The following SPNS2 variants were observed in gnomAD, a reference collection of about 807,000 sequenced individuals.
The protein encoded by SPNS2 is sphingosine-1-phosphate transporter SPNS2.
Under a neutral mutation model 57.6 loss-of-function variants are expected in SPNS2, and 37 were observed. The observed-to-expected ratio is 0.64, with a 90% confidence interval of 0.49 to 0.85. The LOEUF (loss-of-function observed/expected upper bound fraction) is 0.85. Ranked by LOEUF, SPNS2 falls within the 40% of genes least tolerant of loss-of-function variation. The pLI is 0.00. For missense variants in SPNS2, 831 were observed against 779.1 expected, an observed-to-expected ratio of 1.07 and a Z score of -0.79; for synonymous variants, 440 against 346.9, an observed-to-expected ratio of 1.27 and a Z score of -2.98.
intron 6 of SPNS2, 62 bp from the exon 7 acceptor site, chr17:4,532,915 G>T: frequency 6.4e-7 from 1 of 1,562,072 alleles, no homozygotes. Context: ...CCAGTGCATG[G>T]GGCTGCCTAG....
At position 4,499,839 on chromosome 17, in the gene SPNS2, G is replaced by A. The variant is rs572047902; in HGVS notation, c.370+422G>A. ...CAGGTCGTCTGTCCGTCCATGGCCC[G>A]TCAGTTCCTTCCTTTCTCCGCCGCC... On this transcript the variant is annotated intron_variant, in intron 1 of 12. Coordinates refer to ENST00000329078, the MANE Select transcript of SPNS2 (RefSeq NM_001124758.3). This position sits in a 1 kb window ranked among gnomAD's most constrained non-coding sequence, Gnocchi z 5.2. Among the ~76,000 whole-genome samples, 14 of 152,238 alleles carry A rather than the reference G, an allele frequency of 9.2e-5. No individual in the cohort carries two copies. Among genetic ancestry groups the A allele is most frequent in the African/African-American group, 3.4e-4 (14 of 41,560 alleles).
intron 1 of SPNS2, among the ~76,000 whole-genome samples, chr17:4,503,982 CTTT>C (rs35585489): frequency 7.3e-6 from 1 of 137,792 alleles, no homozygotes. Context: ...CTCCTATTGG[CTTT>C]TTTTTTTTTT....
At position 4,536,091 on chromosome 17, in the gene SPNS2, A is replaced by G; in HGVS notation, c.1360A>G (p.Thr454Ala). The change falls in exon 10 of 13, where the codon ACG becomes GCG. Residue 454 changes from threonine (T) to alanine (A), a missense_variant. Physicochemically the swap from Thr to Ala is moderately conservative, Grantham distance 58. Transcript: ENST00000329078. ...ADILMYVVIP[T>A]RRATAVALQS... ...TGTTCCGCAGTACGTGGTCATCCCC[A>G]CGCGGCGCGCCACTGCCGTGGCCTT... 6.2e-7 allele frequency: 1 copy of G among 1,611,932 alleles called. No homozygotes were observed. The highest frequency in any genetic ancestry group is 1.1e-5 in the South Asian group (1 of 91,044).
Position 4,538,558 on chromosome 17 carries a change from T to C in SPNS2, c.*1110T>C. 2.9e-6 allele frequency: 1 copy of C among 348,732 alleles called. No homozygotes were observed. The highest frequency in any genetic ancestry group is 2.7e-5 in the South Asian group (1 of 36,716). The allele number at this position is 348,732 out of a possible 1,614,324, so 21.6% of individuals were successfully genotyped here. ...AACTTCACACCAGCCCCAACCCGCT[T>C]TGGGGGAGCTTAGCCCCCTGCGTCA... On this transcript the variant is annotated 3_prime_UTR_variant, in exon 13 of 13. Coordinates refer to ENST00000329078, the MANE Select transcript of SPNS2 (RefSeq NM_001124758.3).
chr17:4,516,702 C>T lies in SPNS2; in HGVS notation c.436+3390C>T, dbSNP rs111325086. On this transcript the variant is annotated intron_variant, in intron 2 of 12. Transcript: ENST00000329078. Reference sequence around the variant, plus strand: ...GTGAGATCGAGTAGATGTGTGAAGCCCTCCTTTCCCCTCCAAGCTAGATAA... The same window carrying T: ...GTGAGATCGAGTAGATGTGTGAAGCTCTCCTTTCCCCTCCAAGCTAGATAA... Among the ~76,000 whole-genome samples the T allele has an allele frequency of 2.9e-3, 447 of 152,204 alleles. 4 individuals carry two copies. The highest frequency in any genetic ancestry group is 0.011 in the African/African-American group (437 of 41,524).
chr17:4,528,499 T>G (rs1186615682), intron 3 of SPNS2, among the ~76,000 whole-genome samples: 3 of 151,536 alleles, frequency 2.0e-5, no homozygotes, highest in African/African-American at 7.3e-5. Context: ...GTTTCGCTCT[T>G]TCACCCAGGC....
chr17:4,532,911 C>T (rs1318215939), intron 6 of SPNS2, 66 bp from the exon 7 acceptor site: 1 of 1,555,132 alleles, frequency 6.4e-7, no homozygotes, highest in South Asian at 1.2e-5. Context: ...TCCCCCAGTG[C>T]ATGGGGCTGC....
intron 1 of SPNS2, among the ~76,000 whole-genome samples, chr17:4,507,379 T>C (rs1904711258): frequency 6.6e-6 from 1 of 152,256 alleles, no homozygotes; most frequent in Admixed American, 6.5e-5. Flanking sequence ...TGTTCTCAGG[T>C]CATAGCTGGG....
chr17:4,501,304 C>T (rs1442413871), intron 1 of SPNS2, among the ~76,000 whole-genome samples: 1 of 151,654 alleles, frequency 6.6e-6, no homozygotes, highest in African/African-American at 2.4e-5. Context: ...GGGGAACTGC[C>T]TCTGCCAGGG....
Position 4,510,023 on chromosome 17 carries a change from G to A in SPNS2, c.371-3224G>A, listed in dbSNP as rs1904787500. Among the ~76,000 whole-genome samples, 1 of 152,266 alleles carries A rather than the reference G, an allele frequency of 6.6e-6. No individual in the cohort carries two copies. Among genetic ancestry groups the A allele is most frequent in the Admixed American group, 6.5e-5 (1 of 15,292 alleles). On this transcript the variant is annotated intron_variant, in intron 1 of 12. Transcript: ENST00000329078. The surrounding 1 kb of genome is among the most constrained non-coding windows in gnomAD (Gnocchi z 4.4). ...TGGTGAAGAAGGGAGGGGTGCGTGGGCCTGAGCCGTGCTGGAGCCCAAAGG... is the reference window on the plus strand; with the variant it reads ...TGGTGAAGAAGGGAGGGGTGCGTGGACCTGAGCCGTGCTGGAGCCCAAAGG...
Position 4,498,981 on chromosome 17 carries a change from C to A in SPNS2, c.-67C>A. The A allele has an allele frequency of 3.1e-6, 3 of 955,260 alleles. No individual in the cohort carries two copies. The highest frequency in any genetic ancestry group is 2.5e-6 in the Non-Finnish European group (2 of 802,796). 59.2% of individuals were successfully genotyped at this position (955,260 alleles called of 1,614,324 possible). On this transcript the variant is annotated 5_prime_UTR_variant, in exon 1 of 13. Coordinates refer to ENST00000329078, the MANE Select transcript of SPNS2 (RefSeq NM_001124758.3). The stretch of plus-strand genomic sequence containing the variant: ...CAGTGGCGGCTCCGCGGCGCACGCA[C>A]GCGCTGAGCGGGCCCAGCCTGGGCC...
rs1166778948 is a variant in SPNS2, at chr17:4,530,643, G to A, written c.585G>A (p.Leu195=). The part of the protein sequence containing the change: ...SSFIPQQYFW[L]LVLSRGLVGI... ...ACCCCTCCTCACAGTACTTCTGGCT[G>A]CTGGTCCTGTCCCGGGGGCTGGTGG... Residue 195 remains leucine, a synonymous_variant, in exon 4 of 13, where the codon CTG becomes CTA. Transcript: ENST00000329078. 4 of 1,612,464 alleles carry A rather than the reference G, an allele frequency of 2.5e-6. No individual in the cohort carries two copies. The highest frequency in any genetic ancestry group is 3.4e-6 in the Non-Finnish European group (4 of 1,179,490).
chr17:4,499,313 C>G lies in SPNS2; in HGVS notation c.266C>G (p.Ala89Gly), dbSNP rs1046046379. The G allele has an allele frequency of 4.0e-6, 6 of 1,496,030 alleles. No individual in the cohort carries two copies. The highest frequency in any genetic ancestry group is 2.9e-5 in the African/African-American group (2 of 69,072). The allele number at this position is 1,496,030 out of a possible 1,614,324, so 92.7% of individuals were successfully genotyped here. A position where few individuals can be genotyped will look rare whatever the true frequency, so the allele number is the denominator to read the frequency against. The change falls in exon 1 of 13, where the codon GCT becomes GGT. Residue 89 changes from alanine (A) to glycine (G), a missense_variant. Coordinates refer to ENST00000329078, the MANE Select transcript of SPNS2 (RefSeq NM_001124758.3). The surrounding 1 kb of genome is among the most constrained non-coding windows in gnomAD (Gnocchi z 5.2). ...GCAATAKGPGAQQPKPASLGR... is the reference protein window; with the variant it reads ...GCAATAKGPGGQQPKPASLGR... ...GCAGCTACTGCAAAGGGCCCCGGCG[C>G]TCAGCAGCCCAAACCGGCCAGCTTG...
At chr17:4,535,189 G>T (rs1038756121) in intron 9 of SPNS2, among the ~76,000 whole-genome samples, 1 of 152,102 alleles carries the variant, frequency 6.6e-6, no homozygotes, top group African/African-American at 2.4e-5. Context: ...CCTCCTGTCT[G>T]ACTCTGGCCT....
chr17:4,520,526 G>A (rs866482213), intron 2 of SPNS2, among the ~76,000 whole-genome samples: 5 of 151,998 alleles, frequency 3.3e-5, no homozygotes, highest in African/African-American at 9.7e-5. Flanking sequence ...GTTCTCTGCC[G>A]CCTTCTAAAC....
intron 1 of SPNS2, among the ~76,000 whole-genome samples, chr17:4,500,516 T>G (rs897015438): frequency 6.6e-6 from 1 of 152,126 alleles, no homozygotes; most frequent in Non-Finnish European, 1.5e-5. Flanking sequence ...AGAGCAGTAC[T>G]GTGTGCCTGG....
At position 4,532,554 on chromosome 17, in the gene SPNS2, C is replaced by G; in HGVS notation, c.805C>G (p.Leu269Val). Residue 269 changes from leucine to valine, a missense_variant, in exon 6 of 13, where the codon CTG (leucine) becomes GTG (valine). This residue lies in a region of SPNS2 where 526 missense variants were observed against 400.9 expected (regional missense o/e 1.31). Coordinates refer to ENST00000329078, the MANE Select transcript of SPNS2 (RefSeq NM_001124758.3). ...TGCTCTCTGGCAGGTGTCCCCTGTC[C>G]TGGGCATGATCACAGGAACACTCAT... The part of the protein sequence containing the change: ...WHWALRVSPV[L>V]GMITGTLILI... The G allele has an allele frequency of 6.2e-7, 1 of 1,614,188 alleles. No individual in the cohort carries two copies. Among genetic ancestry groups the G allele is most frequent in the Non-Finnish European group, 8.5e-7 (1 of 1,180,048 alleles).
Position 4,510,871 on chromosome 17 carries a change from C to G in SPNS2, c.371-2376C>G, listed in dbSNP as rs1466181523. ...GGACACCAGCAAACCACGCAGAAGG[C>G]AGCGTGGCAGGAGAACGAGCTTTGG... is the stretch of plus-strand genomic sequence containing the variant. On this transcript the variant is annotated intron_variant, in intron 1 of 12. Transcript: ENST00000329078. The surrounding 1 kb of genome is among the most constrained non-coding windows in gnomAD (Gnocchi z 4.4). Among the ~76,000 whole-genome samples, 2 of 152,326 alleles carry G rather than the reference C, an allele frequency of 1.3e-5. No individual in the cohort carries two copies. The highest frequency in any genetic ancestry group is 2.9e-5 in the Non-Finnish European group (2 of 68,030).
At chr17:4,521,976 A>G (rs779928649) in intron 2 of SPNS2, among the ~76,000 whole-genome samples, 47 of 152,228 alleles carry the variant, frequency 3.1e-4, no homozygotes, top group Non-Finnish European at 5.7e-4. Context: ...AGGCAGGAGG[A>G]TCACCTGAGA....
Sources: gnomAD v4.1 joint callset for allele counts (sites outside exome capture counted in the v4.1 genomes callset) on GRCh38, gnomAD v4.1.1 for gene constraint, gnomAD v4.1.1 regional missense constraint, Gnocchi (gnomAD v3.1) non-coding constraint, MANE v1.5 for transcripts, NCBI Gene and HGNC (gene_info 2026-07-23, HGNC 2026-07-21) for gene names.